The following CPSF1 variants were observed in gnomAD, a reference collection of about 807,000 sequenced individuals.
CPSF1 encodes cleavage and polyadenylation specific factor 1.
CPSF1 carries 106 observed loss-of-function variants against 175.8 expected under a neutral mutation model. The ratio of observed to expected loss-of-function variants is 0.60; its 90% confidence interval spans 0.52 to 0.71. The LOEUF is 0.71. CPSF1 is among the 30% of genes least tolerant of loss of function. The pLI, the probability that CPSF1 is intolerant of heterozygous loss-of-function variation, is 0.00. For missense variants in CPSF1, 1,734 were observed against 2,022.9 expected (o/e 0.86, Z 2.74); for synonymous variants, 1,024 against 858.3 (o/e 1.19, Z -3.37).
chr8:144,400,144 G>GCCCCCCCCCCCCCC (rs1194072613), intron 9 of CPSF1, 22 bp downstream of exon 9: 25 of 1,070,430 alleles, frequency 2.3e-5, no homozygotes, highest in South Asian at 9.1e-5. Context: ...GGCCCCCCCC[G>GCCCCCCCCCCCCCC]CCCCAGCCAC....
In CPSF1 at chr8:144,397,094, G is replaced by A. The variant is rs1213531133; in HGVS notation, c.2592+113C>T. The A allele has an allele frequency of 4.5e-6, 5 of 1,108,522 alleles. No individual in the cohort carries two copies. In the African/African-American group the frequency reaches 7.9e-5, roughly 18 times the overall value. 68.7% of individuals were successfully genotyped at this position (1,108,522 alleles called of 1,614,324 possible). ...GGGAGATGGGGTGGAGCCACGGGAA[G>A]GGGCGGGGCCGTGGGGGAGATGGGG... On this transcript the variant is annotated intron_variant, in intron 23 of 37. Coordinates refer to ENST00000616140, the MANE Select transcript of CPSF1 (RefSeq NM_013291.3).
chr8:144,398,932 C>T (rs2116856260), intron 16 of CPSF1, 26 bp downstream of exon 16: 20 of 1,612,232 alleles, frequency 1.2e-5, no homozygotes, highest in Middle Eastern at 1.7e-4. Context: ...CACCAGGAGG[C>T]GCCCGCCCCC....
intron 27 of CPSF1, 22 bp downstream of exon 27, chr8:144,395,413 T>TGGGGTG: frequency 2.6e-6 from 4 of 1,542,452 alleles, no homozygotes; most frequent in African/African-American, 1.5e-5. Flanking sequence ...AGGTCCCTGG[T>TGGGGTG]GGGGTGGGGG....
intron 2 of CPSF1, among the ~76,000 whole-genome samples, chr8:144,402,994 TC>T (rs1244157146): frequency 6.6e-6 from 1 of 152,202 alleles, no homozygotes; most frequent in African/African-American, 2.4e-5. Context: ...TACCATGCTG[TC>T]AAAATTAAGG....
At chr8:144,408,948 T>G in intron 2 of CPSF1, 67 bp downstream of exon 2, 2 of 1,574,180 alleles carry the variant, frequency 1.3e-6, no homozygotes, top group Non-Finnish European at 1.7e-6. Context: ...CTCTTCCATC[T>G]GCAACCGGGG....
intron 26 of CPSF1, chr8:144,396,122 G>A (rs1820708261): frequency 1.7e-6 from 1 of 581,984 alleles, no homozygotes; most frequent in African/African-American, 1.9e-5. Flanking sequence ...GCAGAGCAGT[G>A]GTGGGGACCC....
intron 4 of CPSF1, 40 bp downstream of exon 4, chr8:144,401,390 A>G (rs1306176997): frequency 1.2e-6 from 2 of 1,612,510 alleles, no homozygotes; most frequent in East Asian, 4.5e-5. Context: ...ACCCACTCCC[A>G]CGCCTTGGCC....
intron 2 of CPSF1, among the ~76,000 whole-genome samples, chr8:144,402,239 T>C (rs1244351404): frequency 1.3e-5 from 2 of 152,234 alleles, no homozygotes; most frequent in Admixed American, 1.3e-4. Context: ...CTAGTTTAAC[T>C]AGCTAGCAGA....
At chr8:144,395,889 C>G (rs1243242276) in intron 26 of CPSF1, 1 of 465,526 alleles carries the variant, frequency 2.1e-6, no homozygotes, top group Non-Finnish European at 3.9e-6. Flanking sequence ...TGCCCTCTTT[C>G]ATGGACAGTC....
intron 2 of CPSF1, among the ~76,000 whole-genome samples, chr8:144,406,600 C>T (rs1586637270): frequency 1.3e-5 from 2 of 152,262 alleles, no homozygotes; most frequent in East Asian, 3.8e-4. Context: ...AGGCTGAAGA[C>T]TCTGACTTGA....
intron 2 of CPSF1, among the ~76,000 whole-genome samples, chr8:144,401,970 A>ACT (rs1198127552): frequency 1.3e-5 from 2 of 151,980 alleles, no homozygotes; most frequent in Non-Finnish European, 2.9e-5. Flanking sequence ...GTTAGAGTGC[A>ACT]CTCTGTGTCT....
chr8:144,397,172 A>C, intron 23 of CPSF1, 35 bp downstream of exon 23: 2 of 1,507,630 alleles, frequency 1.3e-6, no homozygotes, highest in Non-Finnish European at 1.8e-6. Flanking sequence ...GCCAGGGGGA[A>C]GATGGGAAGG....
chr8:144,404,497 C>G (rs1474533294), intron 2 of CPSF1, among the ~76,000 whole-genome samples: 1 of 151,092 alleles, frequency 6.6e-6, no homozygotes. Context: ...TACCGAGTAG[C>G]TGGGACTACA....
rs200181811 is a variant in CPSF1 at position 144,400,218 on chromosome 8, C to A, written c.885G>T (p.Pro295=). The change falls in exon 9 of 38, where the codon CCG becomes CCT. Residue 295 remains proline, a synonymous_variant. Transcript: ENST00000616140. ...TGAGGCTGTTGAGAGCCACGCCATA[C>A]GGGGGGACGCTCTGGTTCAGGTACA... is the stretch of plus-strand genomic sequence containing the variant. ...SLLYLNQSVP[P]YGVALNSLTT... 1.3e-6 allele frequency: 2 copies of A among 1,581,654 alleles called. No homozygotes were observed. Among genetic ancestry groups the A allele is most frequent in the African/African-American group, 1.4e-5 (1 of 73,420 alleles).
chr8:144,402,524 C>T (rs1335765811), intron 2 of CPSF1, among the ~76,000 whole-genome samples: 2 of 152,024 alleles, frequency 1.3e-5, no homozygotes, highest in African/African-American at 2.4e-5. Context: ...AGGCTGGTCT[C>T]GAACTCCTGA....
chr8:144,408,271 G>A (rs1464876808), intron 2 of CPSF1, among the ~76,000 whole-genome samples: 1 of 152,158 alleles, frequency 6.6e-6, no homozygotes, highest in Non-Finnish European at 1.5e-5. Context: ...CTTTGGGCCT[G>A]TGCACAGGCT....
rs782264623 is a variant in CPSF1 at position 144,398,011 on chromosome 8, A to T, written c.2016T>A (p.Ser672Arg). The T allele has an allele frequency of 6.2e-7, 1 of 1,611,522 alleles. No homozygotes were observed. Among genetic ancestry groups the T allele is most frequent in the South Asian group, 1.1e-5 (1 of 90,988 alleles). Residue 672 changes from serine to arginine, a missense_variant, in exon 20 of 38, where the codon AGT (serine) becomes AGA (arginine). By Grantham distance (110) the Ser-to-Arg change is moderately radical. This residue lies in a region of CPSF1 where 280 missense variants were observed against 349.2 expected (regional missense o/e 0.80). Transcript: ENST00000616140. ...EGHVTMFLLK[S>R]DSYGGRHHRL... is the part of the protein sequence containing the mutation. ...GGTGGTGGCGGCCACCGTAGGAGTC[A>T]CTCTTCAGCAGGAACATGGTGACGT...
Position 144,397,941 on chromosome 8 carries a change from T to C in CPSF1, c.2073+13A>G. On this transcript the variant is annotated intron_variant, in intron 20 of 37. Coordinates refer to ENST00000616140, the MANE Select transcript of CPSF1 (RefSeq NM_013291.3). ...GGCAGGGACAGGAGGGCGCCGGGAA[T>C]GAGGGGGCCTACATGGTGCAGCGGG... is the stretch of plus-strand genomic sequence containing the variant. The C allele has an allele frequency of 1.2e-6, 2 of 1,600,316 alleles. No homozygotes were observed. The highest frequency in any genetic ancestry group is 1.7e-6 in the Non-Finnish European group (2 of 1,173,028).
In CPSF1 at chr8:144,395,480, C is replaced by T. The variant is rs1229049291; in HGVS notation, c.3051G>A (p.Pro1017=). Residue 1017 remains proline (P), a synonymous_variant, in exon 27 of 38, where the codon CCG becomes CCA. Coordinates refer to ENST00000616140, the MANE Select transcript of CPSF1 (RefSeq NM_013291.3). ...CCACATAGTGGGCCGTGCAGCGCAG[C>T]GGGATCTTCCTGACAGGCCATGGGG... ...YDAPWPVRKI[P]LRCTAHYVAY... 7.5e-6 allele frequency: 12 copies of T among 1,590,206 alleles called. No individual in the cohort carries two copies. Among genetic ancestry groups the T allele is most frequent in the South Asian group, 1.1e-5 (1 of 90,778 alleles).
Sources: gnomAD v4.1 joint callset for allele counts (sites outside exome capture counted in the v4.1 genomes callset) on GRCh38, gnomAD v4.1.1 for gene constraint, gnomAD v4.1.1 regional missense constraint, MANE v1.5 for transcripts, NCBI Gene and HGNC (gene_info 2026-07-23, HGNC 2026-07-21) for gene names.